The following SBNO2 variants were observed in gnomAD, a reference collection of about 807,000 sequenced individuals.
SBNO2 encodes strawberry notch homolog 2, also known as protein strawberry notch homolog 2.
Under a neutral mutation model 146.3 loss-of-function variants are expected in SBNO2, and 89 were observed. That is an observed-to-expected ratio of 0.61 (90% CI 0.51 to 0.73). The LOEUF (loss-of-function observed/expected upper bound fraction) is 0.73, where lower values mean the gene tolerates loss of function less well. SBNO2 is among the 30% of genes least tolerant of loss of function. The probability of loss-of-function intolerance (pLI) is 0.00; values close to 1 mark genes in which losing one functional copy is unlikely to be tolerated. For missense variants in SBNO2, 2,092 were observed against 2,003.7 expected, an observed-to-expected ratio of 1.04 and a Z score of -0.84; for synonymous variants, 1,147 against 892.6, an observed-to-expected ratio of 1.29 and a Z score of -5.08.
intron 4 of SBNO2, among the ~76,000 whole-genome samples, 168 bp downstream of exon 4, chr19:1,147,141 C>T (rs1021216598): frequency 1.3e-5 from 2 of 152,274 alleles, no homozygotes; most frequent in Admixed American, 6.5e-5. Context: ...AAAACCAAGC[C>T]ACATCTCTGG....
rs893154734 is a variant in SBNO2, at chr19:1,111,594, G to T, written c.2721C>A (p.His907Gln). The change falls in exon 24 of 32, where the codon CAC becomes CAA. Residue 907 changes from histidine to glutamine, a missense_variant. Transcript: ENST00000361757. Reference sequence around the variant, plus strand: ...GGCTCAGGATGGTGGTGAGGACACAGTGCAGGGCCCGGGTGCCATACTAGG... The same window carrying T: ...GGCTCAGGATGGTGGTGAGGACACATTGCAGGGCCCGGGTGCCATACTAGG... Reference protein sequence around the residue: ...FENKYGTRALHCVLTTILSQT... With the variant: ...FENKYGTRALQCVLTTILSQT... The T allele has an allele frequency of 6.3e-7, 1 of 1,591,822 alleles. No homozygotes were observed. Among genetic ancestry groups the T allele is most frequent in the African/African-American group, 1.3e-5 (1 of 74,554 alleles).
intron 6 of SBNO2, 28 bp from the exon 7 acceptor site, chr19:1,123,667 G>C: frequency 4.4e-6 from 7 of 1,593,274 alleles, no homozygotes; most frequent in Non-Finnish European, 6.0e-6. Context: ...GCTCAGCGGA[G>C]ACTGCAGGCC....
chr19:1,108,305 GC>G lies in SBNO2; in HGVS notation c.4015del (p.Ala1339ArgfsTer14). ...GGGACCACCGCCCGCCGCGCCCCCCGCCCCCGCGCCCTCCCCCAGCGCGCCC... is the reference window on the plus strand; with the variant it reads ...GGGACCACCGCCCGCCGCGCCCCCCGCCCCGCGCCCTCCCCCAGCGCGCCC... ...SEGALGEGAG[A>X]GGAAGGGPER... On this transcript the variant is annotated frameshift_variant, in exon 32 of 32. Transcript: ENST00000361757. LOFTEE classifies it low-confidence loss of function (END_TRUNC). The G allele has an allele frequency of 2.3e-6, 3 of 1,298,046 alleles. No homozygotes were observed. Among genetic ancestry groups the G allele is most frequent in the Admixed American group, 2.5e-5 (1 of 40,436 alleles). 80.4% of individuals were successfully genotyped at this position (1,298,046 alleles called of 1,614,324 possible). A position where few individuals can be genotyped will look rare whatever the true frequency, so the allele number is the denominator to read the frequency against.
intron 4 of SBNO2, among the ~76,000 whole-genome samples, chr19:1,131,268 T>C (rs899504411): frequency 2.0e-5 from 3 of 152,058 alleles, no homozygotes; most frequent in African/African-American, 7.2e-5. Context: ...CTCTGCAGTC[T>C]GTAGTGAGGG....
intron 2 of SBNO2, among the ~76,000 whole-genome samples, chr19:1,151,365 AC>A (rs2080240755): frequency 6.6e-6 from 1 of 152,058 alleles, no homozygotes; most frequent in Non-Finnish European, 1.5e-5. Flanking sequence ...AACATGCTCC[AC>A]CTGTACCCAG....
rs557096016 is a variant in SBNO2 at position 1,126,269 on chromosome 19, C to G, written c.441+1335G>C. Among the ~76,000 whole-genome samples the G allele has an allele frequency of 6.7e-6, 1 of 148,822 alleles. No individual in the cohort carries two copies. The highest frequency in any genetic ancestry group is 2.1e-4 in the South Asian group (1 of 4,684). On this transcript the variant is annotated intron_variant, in intron 5 of 31. Transcript: ENST00000361757. This position sits in a 1 kb window ranked among gnomAD's most constrained non-coding sequence, Gnocchi z 4.4. ...GAAACCTATACTCAGTTGCCCTCTC[C>G]TTTTTTTTTTAAGTTAACAAAACAC...
chr19:1,146,805 G>C (rs1427686088), intron 4 of SBNO2, among the ~76,000 whole-genome samples: 1 of 138,992 alleles, frequency 7.2e-6, no homozygotes, highest in East Asian at 2.3e-4. Context: ...GGGGAGGCTG[G>C]GAGGGTGGGG....
intron 5 of SBNO2, among the ~76,000 whole-genome samples, chr19:1,125,378 AAGTG>A (rs1214605032): frequency 6.7e-6 from 1 of 148,766 alleles, no homozygotes; most frequent in Non-Finnish European, 1.5e-5. Context: ...AAAAAAAAAA[AAGTG>A]AGCGTGGGCC....
At chr19:1,163,487 G>C (rs1442780928) in intron 1 of SBNO2, among the ~76,000 whole-genome samples, 1 of 152,212 alleles carries the variant, frequency 6.6e-6, no homozygotes. Context: ...CGAGAAGCTC[G>C]TCCAGGGAGG....
chr19:1,158,515 G>T lies in SBNO2; in HGVS notation c.-126-4113C>A, dbSNP rs115066955. 6.6e-6 allele frequency among the ~76,000 whole-genome samples: 1 copy of T among 152,134 alleles called. No individual in the cohort carries two copies. The highest frequency in any genetic ancestry group is 2.4e-5 in the African/African-American group (1 of 41,444). On this transcript the variant is annotated intron_variant, in intron 1 of 31. Transcript: ENST00000361757. This position sits in a 1 kb window ranked among gnomAD's most constrained non-coding sequence, Gnocchi z 9.9. ...GACCACGGGAGGACCCAGGGCGCAC[G>T]GCACACCCCAGAGCGCTCCGCCCAG...
intron 4 of SBNO2, among the ~76,000 whole-genome samples, chr19:1,146,605 C>T (rs975229112): frequency 6.6e-6 from 1 of 151,804 alleles, no homozygotes; most frequent in African/African-American, 2.4e-5. Context: ...CCGGGTCCCA[C>T]ACGGAGGCTG....
rs765965233 is a variant in SBNO2 at position 1,109,433 on chromosome 19, G to A, written c.3217-10C>T. The A allele has an allele frequency of 2.6e-6, 4 of 1,563,514 alleles. No individual in the cohort carries two copies. Among genetic ancestry groups the A allele is most frequent in the Non-Finnish European group, 3.5e-6 (4 of 1,155,148 alleles). On this transcript the variant is annotated splice_polypyrimidine_tract_variant and intron_variant, in intron 28 of 31. Coordinates refer to ENST00000361757, the MANE Select transcript of SBNO2 (RefSeq NM_014963.3). The surrounding 1 kb of genome is among the most constrained non-coding windows in gnomAD (Gnocchi z 4.2). ...GCTTGTTACCGCGGACCTGCGGAGG[G>A]GGGCGTTGAGGCCGCGCCCCGGTCC...
Position 1,157,310 on chromosome 19 carries a change from A to G in SBNO2, c.-126-2908T>C, listed in dbSNP as rs1001151110. Reference sequence around the variant, plus strand: ...GGGTGGGGTCTTGGGGCCTGAGAACACCCCAACGCAGCCTCTGCCACGCAG... The same window carrying G: ...GGGTGGGGTCTTGGGGCCTGAGAACGCCCCAACGCAGCCTCTGCCACGCAG... On this transcript the variant is annotated intron_variant, in intron 1 of 31. Transcript: ENST00000361757. This position sits in a 1 kb window ranked among gnomAD's most constrained non-coding sequence, Gnocchi z 6.8. Among the ~76,000 whole-genome samples, 1 of 150,444 alleles carries G rather than the reference A, an allele frequency of 6.6e-6. No individual in the cohort carries two copies. Among genetic ancestry groups the G allele is most frequent in the African/African-American group, 2.4e-5 (1 of 40,852 alleles).
chr19:1,132,230 CG>C, intron 4 of SBNO2: 4 of 1,305,674 alleles, frequency 3.1e-6, no homozygotes, highest in Non-Finnish European at 2.9e-6. Flanking sequence ...TTGGGTCGGC[CG>C]GGGCGGACGG....
At chr19:1,151,852 G>A (rs1471135088) in intron 2 of SBNO2, among the ~76,000 whole-genome samples, 1 of 152,156 alleles carries the variant, frequency 6.6e-6, no homozygotes, top group African/African-American at 2.4e-5. Context: ...TAGTAGAGAT[G>A]GGATTTCATC....
At position 1,120,115 on chromosome 19, in the gene SBNO2, G is replaced by C. The variant is rs913720223; in HGVS notation, c.1150-92C>G. 10 of 1,006,366 alleles carry C rather than the reference G, an allele frequency of 9.9e-6. No homozygotes were observed. In the East Asian group the frequency reaches 1.3e-4, roughly 13 times the overall value. The allele number at this position is 1,006,366 out of a possible 1,614,324, so 62.3% of individuals were successfully genotyped here. A position where few individuals can be genotyped will look rare whatever the true frequency, so the allele number is the denominator to read the frequency against. On this transcript the variant is annotated intron_variant, in intron 11 of 31. Coordinates refer to ENST00000361757, the MANE Select transcript of SBNO2 (RefSeq NM_014963.3). ...CCACCCAAGACCCCACCTTCCTGGT[G>C]GGGGGCAAACGCCTGTGCGGCTGAG...
At position 1,108,587 on chromosome 19, in the gene SBNO2, C is replaced by G; in HGVS notation, c.3734G>C (p.Arg1245Pro). 5 of 1,175,132 alleles carry G rather than the reference C, an allele frequency of 4.3e-6. No individual in the cohort carries two copies. Among genetic ancestry groups the G allele is most frequent in the Non-Finnish European group, 5.4e-6 (5 of 932,768 alleles). The allele number at this position is 1,175,132 out of a possible 1,614,324, so 72.8% of individuals were successfully genotyped here. ...ALGCPAPPAP[R>P]PLALPCGPGE... ...GGGGCCGCAAGGCAGCGCCAGCGGG[C>G]GCGGGGCGGGCGGGGCGGGGCAGCC... is the stretch of plus-strand genomic sequence containing the variant. Residue 1245 changes from arginine (R) to proline (P), a missense_variant, in exon 32 of 32, where the codon CGC becomes CCC. Arg to Pro is a moderately radical substitution (Grantham distance 103, BLOSUM62 -2). Coordinates refer to ENST00000361757, the MANE Select transcript of SBNO2 (RefSeq NM_014963.3).
chr19:1,122,429 C>A, intron 10 of SBNO2, 39 bp downstream of exon 10: 1 of 1,543,694 alleles, frequency 6.5e-7, no homozygotes, highest in Non-Finnish European at 8.7e-7. Context: ...AGGGCACGGT[C>A]CCCACCTTGC....
chr19:1,132,828 C>G (rs2080046442), intron 4 of SBNO2, among the ~76,000 whole-genome samples: 1 of 152,224 alleles, frequency 6.6e-6, no homozygotes, highest in Non-Finnish European at 1.5e-5. Context: ...GAGAGCTGAG[C>G]CTGGGCCCCT....
Sources: gnomAD v4.1 joint callset for allele counts (sites outside exome capture counted in the v4.1 genomes callset) on GRCh38, gnomAD v4.1.1 for gene constraint, Gnocchi (gnomAD v3.1) non-coding constraint, MANE v1.5 for transcripts, NCBI Gene and HGNC (gene_info 2026-07-23, HGNC 2026-07-21) for gene names.